FNBP1L: variants seen among roughly 807,000 people sequenced by gnomAD.
FNBP1L encodes formin-binding protein 1-like.
A neutral mutation model predicts 91.2 loss-of-function variants in FNBP1L; 36 were observed. The ratio of observed to expected loss-of-function variants is 0.39; its 90% CI spans 0.30 to 0.52. The LOEUF (loss-of-function observed/expected upper bound fraction) is 0.52. Among genes scored for constraint, FNBP1L ranks in the 20% least tolerant of loss-of-function variants. FNBP1L has a pLI of 0.66. For synonymous variants in FNBP1L, 242 were observed against 237.0 expected (o/e 1.02, Z -0.19); for missense variants, 571 against 732.1 (o/e 0.78, Z 2.54).
intron 1 of FNBP1L, among the ~76,000 whole-genome samples, chr1:93,462,375 T>C (rs1031699158): frequency 6.6e-6 from 1 of 152,192 alleles, no homozygotes; most frequent in Non-Finnish European, 1.5e-5. Context: ...CAGTTTCTCC[T>C]ATTATTAACA....
At chr1:93,470,120 C>T (rs1242498376) in intron 1 of FNBP1L, among the ~76,000 whole-genome samples, 3 of 152,084 alleles carry the variant, frequency 2.0e-5, no homozygotes, top group Non-Finnish European at 4.4e-5. Context: ...TGAATGTTAG[C>T]TATGCTCTCT....
At chr1:93,457,974 G>C (rs1288595241) in intron 1 of FNBP1L, among the ~76,000 whole-genome samples, 2 of 151,840 alleles carry the variant, frequency 1.3e-5, no homozygotes, top group African/African-American at 2.4e-5. Context: ...TGAGTTTTTA[G>C]TAGAGACAGG....
chr1:93,515,396 C>G (rs1282142921), intron 2 of FNBP1L, among the ~76,000 whole-genome samples: 2 of 151,526 alleles, frequency 1.3e-5, no homozygotes, highest in African/African-American at 4.9e-5. Flanking sequence ...ACCATTTGAC[C>G]CAGCCATCCC....
intron 7 of FNBP1L, among the ~76,000 whole-genome samples, chr1:93,531,565 A>C (rs910750658): frequency 6.6e-6 from 1 of 152,194 alleles, no homozygotes. Context: ...GCCCGGGTAC[A>C]CTTTTTCTTC....
At chr1:93,472,278 T>C (rs927468099) in intron 1 of FNBP1L, among the ~76,000 whole-genome samples, 3 of 152,192 alleles carry the variant, frequency 2.0e-5, no homozygotes, top group Non-Finnish European at 2.9e-5. Flanking sequence ...ATTAAATTGA[T>C]TTCACGAATA....
intron 6 of FNBP1L, 136 bp downstream of exon 6, chr1:93,529,892 T>G: frequency 1.7e-6 from 1 of 571,866 alleles, no homozygotes; most frequent in East Asian, 3.5e-5. Context: ...TATACAAATA[T>G]TTGCCAACTT....
intron 2 of FNBP1L, among the ~76,000 whole-genome samples, chr1:93,511,742 G>A (rs1248391908): frequency 3.9e-5 from 6 of 151,990 alleles, no homozygotes; most frequent in Admixed American, 6.6e-5. Context: ...CGAGGCGGGC[G>A]GATCACGAGG....
chr1:93,542,138 T>G (rs911967885), intron 11 of FNBP1L, among the ~76,000 whole-genome samples: 9 of 152,074 alleles, frequency 5.9e-5, no homozygotes, highest in African/African-American at 2.2e-4. Flanking sequence ...TTTTCAAAAC[T>G]TGTACTCCTT....
chr1:93,459,807 C>T lies in FNBP1L; in HGVS notation c.24+11502C>T, dbSNP rs980378299. Among the ~76,000 whole-genome samples the T allele has an allele frequency of 1.1e-4, 17 of 152,068 alleles. No homozygotes were observed. The East Asian group carries it at 1.9e-3, about 17-fold the overall frequency. ...AACATTATTCACACTAGTCAAGATA[C>T]GGGATTGCTATGATTTGAATGTTTG... On this transcript the variant is annotated intron_variant, in intron 1 of 16. Transcript: ENST00000271234.
chr1:93,513,399 A>G (rs1030938102), intron 2 of FNBP1L, among the ~76,000 whole-genome samples: 3 of 151,896 alleles, frequency 2.0e-5, no homozygotes, highest in African/African-American at 4.8e-5. Flanking sequence ...AAAAGAGGGA[A>G]TCCTCCCTAA....
chr1:93,485,988 G>A (rs1341271838), intron 1 of FNBP1L, among the ~76,000 whole-genome samples: 2 of 152,146 alleles, frequency 1.3e-5, no homozygotes, highest in Non-Finnish European at 2.9e-5. Context: ...GTGAGCCAAC[G>A]TGTCTGGCCA....
intron 12 of FNBP1L, among the ~76,000 whole-genome samples, chr1:93,545,608 G>T (rs1672195868): frequency 6.6e-6 from 1 of 152,060 alleles, no homozygotes; most frequent in Non-Finnish European, 1.5e-5. Context: ...ATTGAGAGAA[G>T]GGGTAACATT....
intron 10 of FNBP1L, among the ~76,000 whole-genome samples, chr1:93,536,727 A>AT (rs547392450): frequency 2.0e-5 from 3 of 151,980 alleles, no homozygotes; most frequent in Non-Finnish European, 4.4e-5. Context: ...TATTTTAGCT[A>AT]TTTTTTTGTT....
At chr1:93,466,751 A>T (rs1669093811) in intron 1 of FNBP1L, among the ~76,000 whole-genome samples, 1 of 152,148 alleles carries the variant, frequency 6.6e-6, no homozygotes. Flanking sequence ...AGTCATTGGT[A>T]GCTTGATGGG....
intron 1 of FNBP1L, among the ~76,000 whole-genome samples, chr1:93,498,440 T>C (rs1449489532): frequency 1.3e-5 from 2 of 152,236 alleles, no homozygotes; most frequent in Non-Finnish European, 2.9e-5. Flanking sequence ...TCAGAAAGTT[T>C]CGTGGAAGAA....
intron 10 of FNBP1L, among the ~76,000 whole-genome samples, chr1:93,538,630 A>G (rs1173840553): frequency 1.3e-5 from 2 of 151,750 alleles, no homozygotes; most frequent in Admixed American, 6.6e-5. Context: ...TTTTTTCCAC[A>G]TAAGAATTTT....
chr1:93,481,445 A>G (rs1295624499), intron 1 of FNBP1L, among the ~76,000 whole-genome samples: 1 of 152,244 alleles, frequency 6.6e-6, no homozygotes, highest in African/African-American at 2.4e-5. Context: ...GATGTCTGAC[A>G]TGTTTAAGGA....
intron 8 of FNBP1L, among the ~76,000 whole-genome samples, chr1:93,533,908 G>A (rs1417038155): frequency 6.6e-6 from 1 of 152,048 alleles, no homozygotes; most frequent in African/African-American, 2.4e-5. Context: ...ATGACTTAAG[G>A]ATGACTTTTG....
rs565475348 is a variant in FNBP1L, at chr1:93,505,659, A to G, written c.140+6076A>G. On this transcript the variant is annotated intron_variant, in intron 2 of 16. Coordinates refer to ENST00000271234, the MANE Select transcript of FNBP1L (RefSeq NM_001164473.3). ...GATTTCCTTATTACGGCTAGCAGAT[A>G]TTTAAGAATGTTAGCACAGGTCTTT... 5.9e-5 allele frequency among the ~76,000 whole-genome samples: 9 copies of G among 152,376 alleles called. No individual in the cohort carries two copies. The East Asian group carries it at 1.5e-3, about 26-fold the overall frequency.
Sources: gnomAD v4.1 joint callset for allele counts (sites outside exome capture counted in the v4.1 genomes callset) on GRCh38, gnomAD v4.1.1 for gene constraint, MANE v1.5 for transcripts, NCBI Gene and HGNC (gene_info 2026-07-23, HGNC 2026-07-21) for gene names.